Variants in CDK18 observed in about 807,000 individuals in gnomAD.
The protein encoded by CDK18 is cyclin-dependent kinase 18.
Under a neutral mutation model 62.0 loss-of-function variants are expected in CDK18, and 52 were observed. The ratio of observed to expected loss-of-function variants is 0.84; its 90% CI spans 0.67 to 1.06. The LOEUF (loss-of-function observed/expected upper bound fraction) is 1.06. Among genes scored for constraint, CDK18 ranks in the 50% least tolerant of loss-of-function variants. The pLI is 0.00. For synonymous variants in CDK18, 237 were observed against 247.0 expected (o/e 0.96, Z 0.38); for missense variants, 604 against 619.9 (o/e 0.97, Z 0.27).
rs149414848 is a variant in CDK18, at chr1:205,530,313, C to G, written c.1276C>G (p.Arg426Gly). ...AEAALSHSYFRSLGERVHQLE... is the reference protein window; with the variant it reads ...AEAALSHSYFGSLGERVHQLE... ...GGCTGCCCTGAGTCACTCCTACTTC[C>G]GGTCTCTGGGAGAGCGTGTGCACCA... Residue 426 changes from arginine (R) to glycine (G), a missense_variant, in exon 14 of 16, where the codon CGG becomes GGG. By Grantham distance (125) the Arg-to-Gly change is moderately radical. Coordinates refer to ENST00000429964, the MANE Select transcript of CDK18 (RefSeq NM_212502.3). 12 of 1,613,186 alleles carry G rather than the reference C, an allele frequency of 7.4e-6. No homozygotes were observed. In the African/African-American group the frequency reaches 1.5e-4, roughly 20 times the overall value.
chr1:205,506,823 G>T (rs559945485), intron 1 of CDK18, among the ~76,000 whole-genome samples: 5 of 152,356 alleles, frequency 3.3e-5, no homozygotes, highest in African/African-American at 1.2e-4. Flanking sequence ...ACTAGGCAGA[G>T]CCAGGCTTCT....
intron 1 of CDK18, among the ~76,000 whole-genome samples, chr1:205,511,945 T>C (rs765452516): frequency 6.6e-6 from 1 of 152,120 alleles, no homozygotes. Context: ...TCCCAGCTAC[T>C]TGGGAGGCTG....
At chr1:205,524,096 G>T (rs1668289898) in intron 3 of CDK18, 136 bp from the exon 4 acceptor site, 5 of 1,017,920 alleles carry the variant, frequency 4.9e-6, no homozygotes, top group Admixed American at 1.9e-5. Flanking sequence ...TGTGAGCCTG[G>T]GGTCACAGCC....
At chr1:205,529,601 C>G in intron 13 of CDK18, 38 bp downstream of exon 13, 1 of 1,613,306 alleles carries the variant, frequency 6.2e-7, no homozygotes. Flanking sequence ...GAGAGGCAGC[C>G]AAAGAGCCAG....
At chr1:205,513,336 G>A (rs1667658672) in intron 1 of CDK18, among the ~76,000 whole-genome samples, 1 of 152,218 alleles carries the variant, frequency 6.6e-6, no homozygotes, top group African/African-American at 2.4e-5. Flanking sequence ...CTTGCCCCTT[G>A]CTCTGGTCTC....
intron 1 of CDK18, among the ~76,000 whole-genome samples, chr1:205,509,156 C>A (rs930264511): frequency 6.6e-6 from 1 of 152,028 alleles, no homozygotes; most frequent in Non-Finnish European, 1.5e-5. Context: ...AAACAAAAAA[C>A]GGGTCTTGAA....
intron 1 of CDK18, among the ~76,000 whole-genome samples, chr1:205,515,322 G>A (rs563145030): frequency 5.0e-4 from 76 of 152,028 alleles, no homozygotes; most frequent in African/African-American, 1.7e-3. Context: ...GATTACAGGC[G>A]TGTGCCACCA....
In CDK18 at chr1:205,527,647, G is replaced by T; in HGVS notation, c.730-147G>T. On this transcript the variant is annotated intron_variant, in intron 8 of 15. Coordinates refer to ENST00000429964, the MANE Select transcript of CDK18 (RefSeq NM_212502.3). This position sits in a 1 kb window ranked among gnomAD's most constrained non-coding sequence, Gnocchi z 4.1. ...GATGGGATTCCCTGGTGTGGGTGGG[G>T]TCCAGGATGGGGGCTGCAGGGTGTG... 1.3e-6 allele frequency: 1 copy of T among 753,678 alleles called. No homozygotes were observed. Among genetic ancestry groups the T allele is most frequent in the South Asian group, 1.7e-5 (1 of 57,962 alleles). 46.7% of individuals were successfully genotyped at this position (753,678 alleles called of 1,614,324 possible). A position where few individuals can be genotyped will look rare whatever the true frequency, so the allele number is the denominator to read the frequency against.
At chr1:205,522,646 G>A (rs576229804) in intron 1 of CDK18, 1 of 152,888 alleles carries the variant, frequency 6.5e-6, no homozygotes, top group South Asian at 2.1e-4. Flanking sequence ...ACGGGCCTTG[G>A]TCAGTAAGAT....
intron 7 of CDK18, 71 bp from the exon 8 acceptor site, chr1:205,526,704 C>A: frequency 7.0e-7 from 1 of 1,438,610 alleles, no homozygotes; most frequent in Non-Finnish European, 9.8e-7. Context: ...GGCTTCCTCT[C>A]CTCAGCCTGT....
At position 205,516,408 on chromosome 1, in the gene CDK18, T is replaced by A. The variant is rs997342318; in HGVS notation, c.-21-6739T>A. On this transcript the variant is annotated intron_variant, in intron 1 of 15. Coordinates refer to ENST00000429964, the MANE Select transcript of CDK18 (RefSeq NM_212502.3). The surrounding 1 kb of genome is among the most constrained non-coding windows in gnomAD (Gnocchi z 4.8). Reference sequence around the variant, plus strand: ...TGACTGAAGGGAAGACCCTCTGGGCTTCAGAAAGTGGGCAGCCACAAGTTA... The same window carrying A: ...TGACTGAAGGGAAGACCCTCTGGGCATCAGAAAGTGGGCAGCCACAAGTTA... Among the ~76,000 whole-genome samples the A allele has an allele frequency of 6.6e-6, 1 of 151,990 alleles. No individual in the cohort carries two copies. The highest frequency in any genetic ancestry group is 2.4e-5 in the African/African-American group (1 of 41,356).
chr1:205,525,346 G>A (rs1448112217), intron 5 of CDK18, 151 bp downstream of exon 5: 10 of 507,680 alleles, frequency 2.0e-5, no homozygotes, highest in South Asian at 3.8e-5. Flanking sequence ...TTGGCTGTGC[G>A]CTCTGGCCCA....
intron 1 of CDK18, among the ~76,000 whole-genome samples, chr1:205,515,194 T>TTTTTTTA: frequency 6.7e-6 from 1 of 150,074 alleles, no homozygotes; most frequent in Admixed American, 6.6e-5. Flanking sequence ...TTTTTTTTTT[T>TTTTTTTA]GAGATGGAGT....
At chr1:205,510,123 G>A (rs12744989) in intron 1 of CDK18, among the ~76,000 whole-genome samples, 25,715 of 151,672 alleles carry the variant, frequency 0.17, 2,414 homozygotes, top group Middle Eastern at 0.26. Context: ...TCTGAACACT[G>A]TTCCCCATCT....
At chr1:205,518,894 T>C (rs902182958) in intron 1 of CDK18, among the ~76,000 whole-genome samples, 2 of 152,206 alleles carry the variant, frequency 1.3e-5, no homozygotes, top group African/African-American at 4.8e-5. Flanking sequence ...CTGAGCTTTA[T>C]GACTTACCTG....
intron 1 of CDK18, among the ~76,000 whole-genome samples, chr1:205,514,976 G>A (rs981481360): frequency 6.6e-6 from 1 of 152,116 alleles, no homozygotes; most frequent in Non-Finnish European, 1.5e-5. Flanking sequence ...AATTGAGGAA[G>A]GGCATCCCAG....
chr1:205,526,850 G>A lies in CDK18; in HGVS notation c.729+13G>A, dbSNP rs1668459457. The A allele has an allele frequency of 1.9e-6, 3 of 1,610,796 alleles. No individual in the cohort carries two copies. The highest frequency in any genetic ancestry group is 2.5e-6 in the Non-Finnish European group (3 of 1,176,938). ...GCACAACGTCAAGGTGAGGCCTCGG[G>A]GGCAGGGTCCCCCCATCTTGGCAGC... On this transcript the variant is annotated intron_variant, in intron 8 of 15. Coordinates refer to ENST00000429964, the MANE Select transcript of CDK18 (RefSeq NM_212502.3).
At chr1:205,506,423 A>G (rs34169505) in intron 1 of CDK18, among the ~76,000 whole-genome samples, 25,807 of 152,014 alleles carry the variant, frequency 0.17, 2,438 homozygotes, top group Middle Eastern at 0.26. Flanking sequence ...TGCCAGGAGA[A>G]TGGAAGAAGC....
At chr1:205,526,484 C>T in intron 7 of CDK18, 23 bp downstream of exon 7, 5 of 1,563,072 alleles carry the variant, frequency 3.2e-6, no homozygotes, top group Non-Finnish European at 3.5e-6. Flanking sequence ...CTGGGGCTGG[C>T]CGCCTCTCCC....
Sources: allele counts gnomAD v4.1 joint callset (sites outside exome capture counted in the v4.1 genomes callset), GRCh38; gene constraint gnomAD v4.1.1; non-coding constraint Gnocchi (gnomAD v3.1); transcripts MANE v1.5; gene names NCBI Gene and HGNC (gene_info 2026-07-23, HGNC 2026-07-21).